The following PTPRZ1 variants were observed in gnomAD, a reference collection of about 807,000 sequenced individuals.
PTPRZ1 encodes the protein protein tyrosine phosphatase receptor type Z1.
PTPRZ1 carries 82 observed loss-of-function variants against 214.1 expected under a neutral mutation model. The observed-to-expected ratio is 0.38, with a 90% CI of 0.32 to 0.46. PTPRZ1 has a LOEUF of 0.46. Ranked by LOEUF, PTPRZ1 falls within the 20% of genes least tolerant of loss-of-function variation. PTPRZ1 has a pLI of 1.00. For missense variants in PTPRZ1, 2,603 were observed against 2,748.7 expected, an observed-to-expected ratio of 0.95 and a Z score of 1.19; for synonymous variants, 945 against 987.9, an observed-to-expected ratio of 0.96 and a Z score of 0.81.
intron 2 of PTPRZ1, among the ~76,000 whole-genome samples, chr7:121,951,810 A>G (rs1796548676): frequency 6.6e-6 from 1 of 152,160 alleles, no homozygotes; most frequent in Non-Finnish European, 1.5e-5. Context: ...TTCTCTGTCC[A>G]GTTAAACAAA....
intron 1 of PTPRZ1, among the ~76,000 whole-genome samples, chr7:121,895,863 T>G (rs1794770519): frequency 6.6e-6 from 1 of 152,210 alleles, no homozygotes; most frequent in Admixed American, 6.5e-5. Context: ...CCTTGATGTA[T>G]TCTTCTCCTA....
chr7:122,016,710 A>G (rs1323511263), intron 12 of PTPRZ1, among the ~76,000 whole-genome samples: 1 of 151,756 alleles, frequency 6.6e-6, no homozygotes, highest in African/African-American at 2.4e-5. Context: ...GACATATATG[A>G]TAGGACATAT....
chr7:121,964,351 G>C (rs981720810), intron 2 of PTPRZ1, among the ~76,000 whole-genome samples: 1 of 152,184 alleles, frequency 6.6e-6, no homozygotes, highest in African/African-American at 2.4e-5. Context: ...AAGCAAATAT[G>C]TCTTTCTTCA....
At chr7:121,917,590 T>G (rs1367574606) in intron 1 of PTPRZ1, among the ~76,000 whole-genome samples, 1 of 152,130 alleles carries the variant, frequency 6.6e-6, no homozygotes, top group African/African-American at 2.4e-5. Flanking sequence ...ATGATAATTG[T>G]CGTTATAAGC....
At chr7:121,948,081 G>A (rs1236815429) in intron 2 of PTPRZ1, among the ~76,000 whole-genome samples, 2 of 152,100 alleles carry the variant, frequency 1.3e-5, no homozygotes, top group Admixed American at 1.3e-4. Context: ...AGGCATGAGA[G>A]CTAAGGGAAA....
intron 18 of PTPRZ1, among the ~76,000 whole-genome samples, chr7:122,037,262 G>A (rs1327132879): frequency 1.4e-5 from 2 of 148,082 alleles, no homozygotes; most frequent in South Asian, 2.2e-4. Flanking sequence ...GCAACAGAGT[G>A]AGACTCCGTC....
chr7:121,879,513 G>A (rs1794166048), intron 1 of PTPRZ1, among the ~76,000 whole-genome samples: 1 of 152,180 alleles, frequency 6.6e-6, no homozygotes, highest in Non-Finnish European at 1.5e-5. Context: ...TGAAAACCAG[G>A]CAAATGATGG....
chr7:122,019,151 G>A lies in PTPRZ1; in HGVS notation c.4871G>A (p.Arg1624His), dbSNP rs779285450. The change falls in exon 13 of 30, where the codon CGT becomes CAT. Residue 1624 changes from arginine to histidine, a missense_variant. Physicochemically the swap from Arg to His is conservative, Grantham distance 29 (BLOSUM62 0). This residue lies in a region of PTPRZ1 where 1,913 missense variants were observed against 1,914.3 expected (regional missense o/e 1.00). Transcript: ENST00000393386. ...GCCAGTAATAGTAGCCATGAGTCTCGTATTGGTCTAGCTGAGGGGTTGGAA... is the reference window on the plus strand; with the variant it reads ...GCCAGTAATAGTAGCCATGAGTCTCATATTGGTCTAGCTGAGGGGTTGGAA... ...AEASNSSHES[R>H]IGLAEGLESE... is the part of the protein sequence containing the mutation. 11 of 1,612,108 alleles carry A rather than the reference G, an allele frequency of 6.8e-6. No individual in the cohort carries two copies. Among genetic ancestry groups the A allele is most frequent in the East Asian group, 4.5e-5 (2 of 44,840 alleles).
chr7:121,961,229 C>T (rs528570769), intron 2 of PTPRZ1, among the ~76,000 whole-genome samples: 2 of 152,286 alleles, frequency 1.3e-5, no homozygotes, highest in Admixed American at 6.5e-5. Context: ...AGCCTCCCTG[C>T]CTCTCACTGG....
intron 1 of PTPRZ1, among the ~76,000 whole-genome samples, chr7:121,906,829 A>G (rs962552858): frequency 1.3e-5 from 2 of 152,192 alleles, no homozygotes; most frequent in Admixed American, 1.3e-4. Context: ...TGCTCACACT[A>G]TTTTTAAAAT....
At chr7:121,938,367 C>A (rs1298535703) in intron 2 of PTPRZ1, among the ~76,000 whole-genome samples, 1 of 152,188 alleles carries the variant, frequency 6.6e-6, no homozygotes. Flanking sequence ...AAGGACTTGG[C>A]AGCAACTTTG....
At chr7:121,905,868 C>T (rs1475899740) in intron 1 of PTPRZ1, among the ~76,000 whole-genome samples, 2 of 152,176 alleles carry the variant, frequency 1.3e-5, no homozygotes, top group Admixed American at 1.3e-4. Flanking sequence ...TTTGCTCAAT[C>T]ACCCTGTTGG....
intron 2 of PTPRZ1, among the ~76,000 whole-genome samples, chr7:121,941,819 A>G (rs1414439510): frequency 1.3e-5 from 2 of 152,230 alleles, no homozygotes; most frequent in African/African-American, 4.8e-5. Context: ...GAAATGGTAT[A>G]TTAATCACCT....
chr7:122,013,870 G>A lies in PTPRZ1; in HGVS notation c.4824G>A (p.Val1608=). 1 of 1,608,188 alleles carries A rather than the reference G, an allele frequency of 6.2e-7. No homozygotes were observed. Residue 1608 remains valine (V), a synonymous_variant, in exon 12 of 30, where the codon GTG becomes GTA. Coordinates refer to ENST00000393386, the MANE Select transcript of PTPRZ1 (RefSeq NM_002851.3). ...TSSVTSENSE[V]FHVSEAEASN... ...CTGTTACTAGCGAGAACTCAGAAGT[G>A]TTCCACGTTTCAGAGGCAGGTTAGT...
intron 2 of PTPRZ1, among the ~76,000 whole-genome samples, chr7:121,961,073 A>G (rs543774101): frequency 3.2e-4 from 48 of 152,360 alleles, no homozygotes; most frequent in African/African-American, 1.2e-3. Flanking sequence ...TTAAATAAGT[A>G]CAGTGATGCT....
At chr7:121,988,242 A>AG (rs1478893098) in intron 8 of PTPRZ1, among the ~76,000 whole-genome samples, 1 of 152,176 alleles carries the variant, frequency 6.6e-6, no homozygotes, top group Admixed American at 6.5e-5. Flanking sequence ...ATCCCCTTCT[A>AG]GGGGGGATCA....
intron 23 of PTPRZ1, among the ~76,000 whole-genome samples, chr7:122,045,683 T>TACACAC (rs71172161): frequency 0.11 from 16,423 of 146,464 alleles, 1,139 homozygotes; most frequent in African/African-American, 0.21. Context: ...CTAAATAAAT[T>TACACAC]ACACACACAC....
chr7:121,948,048 A>C (rs1373454232), intron 2 of PTPRZ1, among the ~76,000 whole-genome samples: 1 of 152,148 alleles, frequency 6.6e-6, no homozygotes, highest in Non-Finnish European at 1.5e-5. Context: ...ATGTGAATTC[A>C]TTTACCTGCC....
chr7:121,903,656 T>G (rs897403649), intron 1 of PTPRZ1, among the ~76,000 whole-genome samples: 5 of 152,192 alleles, frequency 3.3e-5, no homozygotes, highest in African/African-American at 1.2e-4. Context: ...TTCTTTGTGC[T>G]TTCGGCTCAC....
Sources: gnomAD v4.1 joint callset for allele counts (sites outside exome capture counted in the v4.1 genomes callset) on GRCh38, gnomAD v4.1.1 for gene constraint, gnomAD v4.1.1 regional missense constraint, MANE v1.5 for transcripts, NCBI Gene and HGNC (gene_info 2026-07-23, HGNC 2026-07-21) for gene names.